CTNND2: variants seen among roughly 807,000 people sequenced by gnomAD.
CTNND2 encodes the protein catenin delta-2.
CTNND2 carries 22 observed loss-of-function variants against 144.4 expected under a neutral mutation model. That is an observed-to-expected ratio of 0.15 (90% CI 0.11 to 0.22). CTNND2 has a LOEUF of 0.22. CTNND2 is among the 10% of genes least tolerant of loss of function. The pLI is 1.00. For synonymous variants in CTNND2, 751 were observed against 695.6 expected (o/e 1.08, Z -1.25); for missense variants, 1,353 against 1,618.8 (o/e 0.84, Z 2.82).
At chr5:11,546,414 CA>C (rs1348461133) in intron 3 of CTNND2, among the ~76,000 whole-genome samples, 1 of 151,612 alleles carries the variant, frequency 6.6e-6, no homozygotes, top group African/African-American at 2.4e-5. Flanking sequence ...CAAAACAAAA[CA>C]AAAATTGTAA....
intron 1 of CTNND2, among the ~76,000 whole-genome samples, chr5:11,748,904 A>C (rs1416831534): frequency 6.6e-6 from 1 of 152,012 alleles, no homozygotes; most frequent in Non-Finnish European, 1.5e-5. Flanking sequence ...GGTAGATGTG[A>C]TGGTATATGA....
chr5:11,321,070 C>T (rs915626342), intron 9 of CTNND2, among the ~76,000 whole-genome samples: 2 of 152,122 alleles, frequency 1.3e-5, no homozygotes, highest in Non-Finnish European at 2.9e-5. Flanking sequence ...CTAAATAACA[C>T]ATTCTAAAGA....
At chr5:11,878,981 C>T (rs1258229150) in intron 1 of CTNND2, among the ~76,000 whole-genome samples, 2 of 152,150 alleles carry the variant, frequency 1.3e-5, no homozygotes, top group African/African-American at 2.4e-5. Context: ...AAGGCCTCCT[C>T]GCTCTTTGAT....
chr5:11,695,327 G>A (rs73743025), intron 2 of CTNND2, among the ~76,000 whole-genome samples: 1,805 of 152,260 alleles, frequency 0.012, 29 homozygotes, highest in African/African-American at 0.042. Flanking sequence ...TAATCTCTCT[G>A]ATCTATTGTT....
chr5:11,793,304 A>C (rs1184658985), intron 1 of CTNND2, among the ~76,000 whole-genome samples: 6 of 152,184 alleles, frequency 3.9e-5, no homozygotes, highest in Non-Finnish European at 8.8e-5. Context: ...CTAGTAATTC[A>C]GTCCAAAAAA....
rs573663569 is a variant in CTNND2 at position 11,634,159 on chromosome 5, G to A, written c.175-69103C>T. ...AGTCAAGTCTTCTCTACATTCAACC[G>A]ACTATATACTCATCAGAAAGAGAGA... On this transcript the variant is annotated intron_variant, in intron 2 of 21. Coordinates refer to ENST00000304623, the MANE Select transcript of CTNND2 (RefSeq NM_001332.4). Among the ~76,000 whole-genome samples the A allele has an allele frequency of 5.9e-5, 9 of 152,178 alleles. No individual in the cohort carries two copies. In the South Asian group the frequency reaches 1.7e-3, roughly 28 times the overall value.
intron 9 of CTNND2, among the ~76,000 whole-genome samples, chr5:11,328,597 C>T (rs1752770253): frequency 6.6e-6 from 1 of 152,132 alleles, no homozygotes; most frequent in Non-Finnish European, 1.5e-5. Context: ...TGAGCCATTG[C>T]GTCCAATCCA....
chr5:11,423,173 G>A (rs1473739928), intron 3 of CTNND2, among the ~76,000 whole-genome samples: 1 of 152,206 alleles, frequency 6.6e-6, no homozygotes, highest in Non-Finnish European at 1.5e-5. Flanking sequence ...ACAGTGTTTT[G>A]AAGTACTTTC....
intron 1 of CTNND2, among the ~76,000 whole-genome samples, chr5:11,802,288 C>T (rs1458073074): frequency 1.3e-5 from 2 of 150,424 alleles, no homozygotes; most frequent in South Asian, 2.1e-4. Context: ...AAAAAAAAGT[C>T]CAAGTGCAGT....
intron 3 of CTNND2, among the ~76,000 whole-genome samples, chr5:11,498,369 T>C (rs74527001): frequency 6.6e-6 from 1 of 152,138 alleles, no homozygotes; most frequent in Non-Finnish European, 1.5e-5. Context: ...CATGGGAACC[T>C]TGATCATGAA....
intron 1 of CTNND2, among the ~76,000 whole-genome samples, chr5:11,831,290 T>C (rs1037429990): frequency 1.3e-5 from 2 of 150,804 alleles, no homozygotes; most frequent in Admixed American, 6.6e-5. Flanking sequence ...GGAGGACTTA[T>C]ACTGCCTCAA....
intron 2 of CTNND2, among the ~76,000 whole-genome samples, chr5:11,635,903 T>C (rs1320300415): frequency 1.3e-5 from 2 of 152,064 alleles, no homozygotes; most frequent in African/African-American, 4.8e-5. Flanking sequence ...CCAGCATGTA[T>C]TTTGGAGTAT....
intron 16 of CTNND2, among the ~76,000 whole-genome samples, chr5:11,078,343 GT>G (rs1406689883): frequency 6.6e-6 from 1 of 152,138 alleles, no homozygotes; most frequent in Non-Finnish European, 1.5e-5. Flanking sequence ...ATCCAATGTT[GT>G]TCTTGTCAAA....
chr5:11,062,344 G>A (rs188791064), intron 16 of CTNND2, among the ~76,000 whole-genome samples: 12 of 152,294 alleles, frequency 7.9e-5, no homozygotes, highest in Non-Finnish European at 1.5e-4. Flanking sequence ...TTTAAATACT[G>A]TACTCATTGT....
intron 2 of CTNND2, among the ~76,000 whole-genome samples, chr5:11,709,237 G>A (rs1457873290): frequency 6.6e-6 from 1 of 152,212 alleles, no homozygotes; most frequent in Non-Finnish European, 1.5e-5. Context: ...CAGAAAAGGA[G>A]AAGGCAGTTT....
At chr5:11,250,513 ACATATATT>A (rs1399734590) in intron 9 of CTNND2, among the ~76,000 whole-genome samples, 4 of 48,044 alleles carry the variant, frequency 8.3e-5, no homozygotes, top group Admixed American at 5.9e-4. Context: ...ATATATATAT[ACATATATT>A]TTTTTTTTTT....
At chr5:11,865,176 T>C (rs1795703634) in intron 1 of CTNND2, among the ~76,000 whole-genome samples, 1 of 152,234 alleles carries the variant, frequency 6.6e-6, no homozygotes. Flanking sequence ...ATTACAGGCA[T>C]GAGCCACCGT....
At chr5:11,669,402 G>C (rs1385166956) in intron 2 of CTNND2, among the ~76,000 whole-genome samples, 1 of 152,004 alleles carries the variant, frequency 6.6e-6, no homozygotes, top group Non-Finnish European at 1.5e-5. Flanking sequence ...TGGACTTTTT[G>C]TGATTGGTAG....
chr5:11,091,466 C>A (rs1387927638), intron 15 of CTNND2, among the ~76,000 whole-genome samples: 1 of 152,010 alleles, frequency 6.6e-6, no homozygotes, highest in East Asian at 1.9e-4. Flanking sequence ...ATTTATTTTT[C>A]TCCTTATTAT....
Sources: allele counts gnomAD v4.1 joint callset (sites outside exome capture counted in the v4.1 genomes callset), GRCh38; gene constraint gnomAD v4.1.1; transcripts MANE v1.5; gene names NCBI Gene and HGNC (gene_info 2026-07-23, HGNC 2026-07-21).